The following C12orf75 variants were observed in gnomAD, a reference collection of about 807,000 sequenced individuals.
C12orf75 encodes chromosome 12 open reading frame 75, also known as overexpressed in colon carcinoma 1 protein.
In C12orf75, 4 loss-of-function variants were observed where a neutral mutation model predicts 11.4. The ratio of observed to expected loss-of-function variants is 0.35; its 90% CI spans 0.17 to 0.80. The LOEUF is 0.80. C12orf75 is among the 30% of genes least tolerant of loss of function. The pLI, the probability that C12orf75 is intolerant of heterozygous loss-of-function variation, is 0.52. For missense variants in C12orf75, 89 were observed against 80.4 expected, an observed-to-expected ratio of 1.11 and a Z score of -0.41; for synonymous variants, 30 against 30.0, an observed-to-expected ratio of 1.00 and a Z score of 0.00.
chr12:105,355,168 C>CTTTTT lies in C12orf75; in HGVS notation c.71+6543_71+6547dup, dbSNP rs200950023. Among the ~76,000 whole-genome samples, 21 of 74,182 alleles carry CTTTTT rather than the reference C, an allele frequency of 2.8e-4. 1 individual carries two copies. The highest frequency in any genetic ancestry group is 5.9e-4 in the African/African-American group (13 of 21,938). The allele number at this position is 74,182 out of a possible 152,430, so 48.7% of individuals were successfully genotyped here. A position where few individuals can be genotyped will look rare whatever the true frequency, so the allele number is the denominator to read the frequency against. On this transcript the variant is annotated intron_variant, in intron 2 of 5. Coordinates refer to ENST00000443585, the MANE Select transcript of C12orf75 (RefSeq NM_001145199.2). Reference sequence around the variant, plus strand: ...GGGTGGTTTTCACGAATTTCTTTTTCTTTTTCTTTTTCTTTTTTTTTTTCA... The same window carrying CTTTTT: ...GGGTGGTTTTCACGAATTTCTTTTTCTTTTTTTTTTCTTTTTCTTTTTTTTTTTCA...
chr12:105,355,057 G>C (rs1892758422), intron 2 of C12orf75, among the ~76,000 whole-genome samples: 1 of 152,094 alleles, frequency 6.6e-6, no homozygotes, highest in African/African-American at 2.4e-5. Flanking sequence ...ATACTCCATG[G>C]AGCAGCCATC....
intron 1 of C12orf75, among the ~76,000 whole-genome samples, chr12:105,336,118 G>C (rs1419629641): frequency 6.6e-6 from 1 of 152,244 alleles, no homozygotes; most frequent in Non-Finnish European, 1.5e-5. Flanking sequence ...TTTTAGTGCT[G>C]TAGGAAGTCC....
chr12:105,365,610 C>A (rs566782753), intron 2 of C12orf75, among the ~76,000 whole-genome samples, 197 bp from the exon 3 acceptor site: 1 of 152,310 alleles, frequency 6.6e-6, no homozygotes, highest in African/African-American at 2.4e-5. Flanking sequence ...CAAGTTTTAA[C>A]GTATGAATGA....
At chr12:105,354,202 G>A (rs180678306) in intron 2 of C12orf75, among the ~76,000 whole-genome samples, 1 of 152,256 alleles carries the variant, frequency 6.6e-6, no homozygotes, top group African/African-American at 2.4e-5. Flanking sequence ...GGAAGCAGAG[G>A]GACTTGTGTT....
chr12:105,331,006 G>C (rs1241127534), intron 1 of C12orf75, 69 bp downstream of exon 1: 2 of 976,226 alleles, frequency 2.0e-6, no homozygotes, highest in East Asian at 6.6e-5. Context: ...AGGGTGCAGG[G>C]ATCTTGGGTG....
At chr12:105,367,911 G>C (rs1871524075) in intron 5 of C12orf75, among the ~76,000 whole-genome samples, 1 of 152,118 alleles carries the variant, frequency 6.6e-6, no homozygotes, top group South Asian at 2.1e-4. Context: ...TTAATATACA[G>C]AGAGGAGATG....
chr12:105,358,088 T>C (rs987325572), intron 2 of C12orf75, among the ~76,000 whole-genome samples: 1 of 152,166 alleles, frequency 6.6e-6, no homozygotes, highest in African/African-American at 2.4e-5. Flanking sequence ...GCTCAAGATA[T>C]CTGTCTGCCT....
intron 1 of C12orf75, among the ~76,000 whole-genome samples, chr12:105,332,427 C>T (rs1442328593): frequency 6.6e-6 from 1 of 151,954 alleles, no homozygotes; most frequent in Non-Finnish European, 1.5e-5. Context: ...GTACCATTGC[C>T]AAATGAAAAT....
At chr12:105,338,487 T>C (rs1892524033) in intron 1 of C12orf75, among the ~76,000 whole-genome samples, 1 of 152,212 alleles carries the variant, frequency 6.6e-6, no homozygotes, top group Non-Finnish European at 1.5e-5. Context: ...TTTTGGTTTT[T>C]ACTTGCCTAA....
chr12:105,353,663 G>GT (rs755012388), intron 2 of C12orf75: 8 of 152,106 alleles, frequency 5.3e-5, no homozygotes, highest in Non-Finnish European at 1.2e-4. Flanking sequence ...TGTTCTTAAA[G>GT]AAGTCTTGAT....
chr12:105,358,928 C>T (rs1029601158), intron 2 of C12orf75, among the ~76,000 whole-genome samples: 4 of 152,176 alleles, frequency 2.6e-5, no homozygotes, highest in Admixed American at 6.5e-5. Flanking sequence ...GATGATGTTT[C>T]GACCAAACCC....
In C12orf75 at chr12:105,353,104, CA is replaced by C. The variant is rs370650807; in HGVS notation, c.71+4479del. On this transcript the variant is annotated intron_variant, in intron 2 of 5. Transcript: ENST00000443585. ...TTTTTGGTAGGAAATGGCAGAAGCCCAGTTTAAACTGGCCTAAACAAACAAA... is the reference window on the plus strand; with the variant it reads ...TTTTTGGTAGGAAATGGCAGAAGCCCGTTTAAACTGGCCTAAACAAACAAA... Among the ~76,000 whole-genome samples the C allele has an allele frequency of 3.0e-4, 46 of 152,246 alleles. No individual in the cohort carries two copies. In the East Asian group the frequency reaches 8.3e-3, roughly 27 times the overall value.
At chr12:105,345,999 GA>G (rs1324546842) in intron 1 of C12orf75, among the ~76,000 whole-genome samples, 2 of 152,060 alleles carry the variant, frequency 1.3e-5, no homozygotes, top group African/African-American at 4.8e-5. Flanking sequence ...AACATTTAAA[GA>G]AGCTTCATCT....
intron 1 of C12orf75, among the ~76,000 whole-genome samples, chr12:105,341,953 T>G (rs545192475): frequency 1.3e-3 from 203 of 152,326 alleles, no homozygotes; most frequent in African/African-American, 4.8e-3. Flanking sequence ...CCATGTAAGA[T>G]GTGACTTTGC....
At chr12:105,351,776 C>T (rs923910534) in intron 2 of C12orf75, among the ~76,000 whole-genome samples, 1 of 151,978 alleles carries the variant, frequency 6.6e-6, no homozygotes, top group African/African-American at 2.4e-5. Context: ...ACAGTCTGGG[C>T]AGAAGTGAAA....
chr12:105,366,829 G>C, intron 4 of C12orf75, 133 bp downstream of exon 4: 1 of 559,632 alleles, frequency 1.8e-6, no homozygotes, highest in African/African-American at 1.9e-5. Flanking sequence ...TATAAGTACT[G>C]TCTGTTCATT....
chr12:105,366,872 TAAG>T (rs1374149703), intron 4 of C12orf75, among the ~76,000 whole-genome samples, 176 bp downstream of exon 4: 4 of 152,232 alleles, frequency 2.6e-5, no homozygotes, highest in Admixed American at 6.5e-5. Flanking sequence ...ACCCACATGG[TAAG>T]AAGAATTCCA....
chr12:105,340,496 G>A (rs1400913144), intron 1 of C12orf75, among the ~76,000 whole-genome samples: 1 of 150,596 alleles, frequency 6.6e-6, no homozygotes, highest in African/African-American at 2.4e-5. Flanking sequence ...TATCATTCAC[G>A]AGGAATAAAG....
intron 5 of C12orf75, among the ~76,000 whole-genome samples, chr12:105,369,181 G>C (rs947169141): frequency 1.3e-5 from 2 of 152,206 alleles, no homozygotes; most frequent in African/African-American, 4.8e-5. Context: ...CCCTCAGCTT[G>C]TCTCAACCAC....
Sources: allele counts gnomAD v4.1 joint callset (sites outside exome capture counted in the v4.1 genomes callset), GRCh38; gene constraint gnomAD v4.1.1; transcripts MANE v1.5; gene names NCBI Gene and HGNC (gene_info 2026-07-23, HGNC 2026-07-21).